The following SHISAL1 variants were observed in gnomAD, a reference collection of about 807,000 sequenced individuals.
The protein encoded by SHISAL1 is protein shisa-like-1.
SHISAL1 carries 9 observed loss-of-function variants against 22.6 expected under a neutral mutation model. The ratio of observed to expected loss-of-function variants is 0.40; its 90% CI spans 0.24 to 0.70. SHISAL1 has a LOEUF of 0.70. Ranked by LOEUF, SHISAL1 falls within the 30% of genes least tolerant of loss-of-function variation. The pLI is 0.39. For synonymous variants in SHISAL1, 119 were observed against 115.4 expected (o/e 1.03, Z -0.20); for missense variants, 246 against 270.6 (o/e 0.91, Z 0.64).
upstream of SHISAL1, among the ~76,000 whole-genome samples, chr22:44,315,506 C>T (rs193119099): frequency 6.6e-6 from 1 of 152,236 alleles, no homozygotes; most frequent in Admixed American, 6.5e-5. Flanking sequence ...TCCTACTGAG[C>T]CCACATACAC....
At chr22:44,308,742 G>C (rs1258564535) in intron 1 of SHISAL1, among the ~76,000 whole-genome samples, 1 of 152,206 alleles carries the variant, frequency 6.6e-6, no homozygotes, top group African/African-American at 2.4e-5. Flanking sequence ...TAACTTGAGA[G>C]TGAGCTGGGA....
intron 4 of SHISAL1, among the ~76,000 whole-genome samples, chr22:44,252,149 G>A (rs1174470595): frequency 6.6e-6 from 1 of 152,176 alleles, no homozygotes; most frequent in African/African-American, 2.4e-5. Context: ...AAAAGTTGGA[G>A]GGGTGGAGAT....
At chr22:44,272,167 G>T (rs1315825901) in intron 4 of SHISAL1, among the ~76,000 whole-genome samples, 1 of 152,170 alleles carries the variant, frequency 6.6e-6, no homozygotes. Context: ...CTCCTAATGG[G>T]AGCAGTTGCC....
intron 4 of SHISAL1, among the ~76,000 whole-genome samples, chr22:44,266,528 A>ATGGGTGTG (rs370971639): frequency 2.8e-5 from 3 of 108,418 alleles, no homozygotes; most frequent in Admixed American, 1.1e-4. Context: ...GCTTTGGGGT[A>ATGGGTGTG]TGTGTGTGTG....
intron 1 of SHISAL1, among the ~76,000 whole-genome samples, chr22:44,309,461 G>A (rs755753931): frequency 2.0e-5 from 3 of 152,208 alleles, no homozygotes; most frequent in East Asian, 1.9e-4. Flanking sequence ...CAGATCACCC[G>A]AGCCCAGGGC....
chr22:44,291,885 T>A (rs2055354958), intron 3 of SHISAL1, among the ~76,000 whole-genome samples: 1 of 152,026 alleles, frequency 6.6e-6, no homozygotes, highest in African/African-American at 2.4e-5. Flanking sequence ...ATTGCTGGTG[T>A]CTGGCAGTGC....
chr22:44,277,498 T>C (rs1027131308), intron 4 of SHISAL1, among the ~76,000 whole-genome samples: 3 of 122,156 alleles, frequency 2.5e-5, no homozygotes, highest in African/African-American at 7.9e-5. Flanking sequence ...TCATGGCAGG[T>C]GGGGCTATTC....
chr22:44,289,608 G>T (rs141510588), intron 3 of SHISAL1, among the ~76,000 whole-genome samples: 1 of 152,148 alleles, frequency 6.6e-6, no homozygotes, highest in Non-Finnish European at 1.5e-5. Flanking sequence ...CCTGCCTGCC[G>T]GGGGGTGTTG....
chr22:44,289,735 C>A (rs1049664364), intron 3 of SHISAL1, among the ~76,000 whole-genome samples: 1 of 152,188 alleles, frequency 6.6e-6, no homozygotes, highest in Non-Finnish European at 1.5e-5. Flanking sequence ...GCTGGCCCTC[C>A]CTGTGGTCAG....
chr22:44,274,813 A>G (rs1285785012), intron 4 of SHISAL1, among the ~76,000 whole-genome samples: 1 of 152,124 alleles, frequency 6.6e-6, no homozygotes, highest in Non-Finnish European at 1.5e-5. Flanking sequence ...TTCTTTTCCT[A>G]TTTTTTACTC....
At position 44,245,704 on chromosome 22, in the gene SHISAL1, C is replaced by T. The variant is rs1162513117; in HGVS notation, c.*3981G>A. ...GCCAAGCACAGCCACACCCACAGCC[C>T]TGGTCTGTTTGCCATGACCTGAAGA... On this transcript the variant is annotated 3_prime_UTR_variant, in exon 5 of 5. Transcript: ENST00000381176. 6.6e-6 allele frequency: 1 copy of T among 152,244 alleles called. No individual in the cohort carries two copies. The highest frequency in any genetic ancestry group is 1.9e-4 in the East Asian group (1 of 5,184). The allele number at this position is 152,244 out of a possible 1,614,324, so 9.4% of individuals were successfully genotyped here.
rs1431810050 is a variant in SHISAL1 at position 44,266,451 on chromosome 22, T to G, written c.*-16766A>C. ...TGTGTGTGTTGGGGGGTTGTGTGTGTGGGGCTGTGTGTGTGTTGGGCTGTG... is the reference window on the plus strand; with the variant it reads ...TGTGTGTGTTGGGGGGTTGTGTGTGGGGGGCTGTGTGTGTGTTGGGCTGTG... On this transcript the variant is annotated intron_variant, in intron 4 of 4. Coordinates refer to ENST00000381176, the MANE Select transcript of SHISAL1 (RefSeq NM_001099294.2). Among the ~76,000 whole-genome samples, 377 of 121,168 alleles carry G rather than the reference T, an allele frequency of 3.1e-3. 2 individuals carry two copies. The highest frequency in any genetic ancestry group is 0.012 in the African/African-American group (347 of 29,494). The allele number at this position is 121,168 out of a possible 152,430, so 79.5% of individuals were successfully genotyped here.
At position 44,249,521 on chromosome 22, in the gene SHISAL1, A is replaced by T; in HGVS notation, c.*164T>A. ...TACCCCTGAGTTTGCTCCTAATCTT[A>T]GAAGTCCGCGGAAGGGGGCTTTGGG... On this transcript the variant is annotated 3_prime_UTR_variant, in exon 5 of 5. Coordinates refer to ENST00000381176, the MANE Select transcript of SHISAL1 (RefSeq NM_001099294.2). The T allele has an allele frequency of 1.8e-6, 1 of 568,010 alleles. No individual in the cohort carries two copies. The highest frequency in any genetic ancestry group is 3.3e-6 in the Non-Finnish European group (1 of 306,382). The allele number at this position is 568,010 out of a possible 1,614,324, so 35.2% of individuals were successfully genotyped here.
chr22:44,315,831 C>T (rs531038339), upstream of SHISAL1, among the ~76,000 whole-genome samples: 2 of 152,248 alleles, frequency 1.3e-5, no homozygotes, highest in East Asian at 3.9e-4. Flanking sequence ...TGAGCCACTG[C>T]TGGGGAGTTG....
chr22:44,314,400 G>T (rs375196512), upstream of SHISAL1, among the ~76,000 whole-genome samples: 6 of 152,182 alleles, frequency 3.9e-5, no homozygotes, highest in East Asian at 7.7e-4. Flanking sequence ...AGCCTGGACT[G>T]CCCTGTGGAT....
chr22:44,255,077 C>G (rs1470743069), intron 4 of SHISAL1, among the ~76,000 whole-genome samples: 2 of 152,192 alleles, frequency 1.3e-5, no homozygotes, highest in Non-Finnish European at 2.9e-5. Context: ...CGCTCCTGCT[C>G]CAGCCCTTTG....
At chr22:44,284,886 T>TCTGCCTTC (rs1555928193) in intron 4 of SHISAL1, among the ~76,000 whole-genome samples, 1 of 41,924 alleles carries the variant, frequency 2.4e-5, no homozygotes, top group African/African-American at 1.0e-4. Context: ...ATGCCACCTC[T>TCTGCCTTC]CTGCCTTCCT....
At chr22:44,274,411 C>G (rs905934998) in intron 4 of SHISAL1, among the ~76,000 whole-genome samples, 1 of 152,162 alleles carries the variant, frequency 6.6e-6, no homozygotes, top group Non-Finnish European at 1.5e-5. Flanking sequence ...TCAGGAATCT[C>G]CCTGCCTGGC....
chr22:44,324,895 C>T, the SHISAL1 span, among the ~76,000 whole-genome samples: 19 of 152,204 alleles, frequency 1.2e-4, no homozygotes, highest in Non-Finnish European at 2.5e-4. Context: ...GCTGATGCTA[C>T]ACTGCCACAC....
Sources: gnomAD v4.1 joint callset for allele counts (sites outside exome capture counted in the v4.1 genomes callset) on GRCh38, gnomAD v4.1.1 for gene constraint, MANE v1.5 for transcripts, NCBI Gene and HGNC (gene_info 2026-07-23, HGNC 2026-07-21) for gene names.